Variants in TIAM2 observed in about 807,000 individuals in gnomAD.
TIAM2 encodes the protein rho guanine nucleotide exchange factor TIAM2.
Under a neutral mutation model 152.9 loss-of-function variants are expected in TIAM2, and 80 were observed. The ratio of observed to expected loss-of-function variants is 0.52; its 90% CI spans 0.44 to 0.63. TIAM2 has a LOEUF of 0.63. Among genes scored for constraint, TIAM2 ranks in the 30% least tolerant of loss-of-function variants. The pLI is 0.00. For synonymous variants in TIAM2, 804 were observed against 838.0 expected (o/e 0.96, Z 0.70); for missense variants, 1,965 against 2,120.1 (o/e 0.93, Z 1.44).
intron 2 of TIAM2, among the ~76,000 whole-genome samples, chr6:155,121,313 A>G (rs1352664547): frequency 6.6e-6 from 1 of 152,214 alleles, no homozygotes; most frequent in Non-Finnish European, 1.5e-5. Context: ...TTAGACTTAT[A>G]ACTACAAATT....
intron 1 of TIAM2, among the ~76,000 whole-genome samples, chr6:155,066,050 C>G (rs1336194709): frequency 6.6e-6 from 1 of 152,198 alleles, no homozygotes; most frequent in African/African-American, 2.4e-5. Context: ...TTTTGAAACT[C>G]TAACTCCACT....
At chr6:155,037,045 A>G (rs183077833) in intron 1 of TIAM2, among the ~76,000 whole-genome samples, 21 of 152,250 alleles carry the variant, frequency 1.4e-4, no homozygotes, top group Non-Finnish European at 2.6e-4. Context: ...TTGTTACTTC[A>G]TGGTTTCCTG....
At chr6:155,054,133 A>G (rs1017877407) in intron 1 of TIAM2, among the ~76,000 whole-genome samples, 3 of 152,216 alleles carry the variant, frequency 2.0e-5, no homozygotes, top group African/African-American at 7.2e-5. Flanking sequence ...AGATGGCACC[A>G]CTGCACTGCA....
chr6:155,098,856 G>T (rs1049219931), intron 2 of TIAM2, among the ~76,000 whole-genome samples: 2 of 152,068 alleles, frequency 1.3e-5, no homozygotes, highest in African/African-American at 2.4e-5. Context: ...GATATTATTG[G>T]GGCTTGCTTG....
intron 1 of TIAM2, among the ~76,000 whole-genome samples, chr6:155,045,201 G>A (rs1214638513): frequency 6.6e-6 from 1 of 151,662 alleles, no homozygotes; most frequent in Non-Finnish European, 1.5e-5. Flanking sequence ...GTAGTAGCTG[G>A]GATTGCAGGC....
In TIAM2 at chr6:155,214,176, C is replaced by T. The variant is rs1781797180; in HGVS notation, c.3168+2869C>T. On this transcript the variant is annotated intron_variant, in intron 15 of 26. Coordinates refer to ENST00000682666, the MANE Select transcript of TIAM2 (RefSeq NM_012454.4). The surrounding 1 kb of genome is among the most constrained non-coding windows in gnomAD (Gnocchi z 5.4). ...GCCACTTCAGGATTGGGTGGGGCTT[C>T]CACATTCTCAGCTCCTGCTGGCTCC... is the stretch of plus-strand genomic sequence containing the variant. 6.6e-6 allele frequency among the ~76,000 whole-genome samples: 1 copy of T among 152,258 alleles called. No individual in the cohort carries two copies. The highest frequency in any genetic ancestry group is 1.5e-5 in the Non-Finnish European group (1 of 68,044).
In TIAM2 at chr6:155,218,938, C is replaced by T. The variant is rs1373001397; in HGVS notation, c.3168+7631C>T. ...ATCTCAGCCGTGTTCTTGACCATCT[C>T]AGCCGCCCACCCGTGTTCTTGACCA... On this transcript the variant is annotated intron_variant, in intron 15 of 26. Transcript: ENST00000682666. This position sits in a 1 kb window ranked among gnomAD's most constrained non-coding sequence, Gnocchi z 4.5. Among the ~76,000 whole-genome samples the T allele has an allele frequency of 3.5e-5, 5 of 144,384 alleles. No individual in the cohort carries two copies. Among genetic ancestry groups the T allele is most frequent in the Non-Finnish European group, 7.6e-5 (5 of 66,178 alleles). The allele number at this position is 144,384 out of a possible 152,430, so 94.7% of individuals were successfully genotyped here. A position where few individuals can be genotyped will look rare whatever the true frequency, so the allele number is the denominator to read the frequency against.
At position 155,203,585 on chromosome 6, in the gene TIAM2, C is replaced by T. The variant is rs375840604; in HGVS notation, c.3065-7619C>T. Among the ~76,000 whole-genome samples, 6 of 152,204 alleles carry T rather than the reference C, an allele frequency of 3.9e-5. No individual in the cohort carries two copies. The East Asian group carries it at 1.2e-3, about 29-fold the overall frequency. On this transcript the variant is annotated intron_variant, in intron 14 of 26. Transcript: ENST00000682666. The stretch of plus-strand genomic sequence containing the variant: ...TTATGTAGTTGAAAACTTAATTAAA[C>T]CATTTATTATTCACTTGTAACTACT...
chr6:155,198,638 G>A (rs1394797736), intron 14 of TIAM2, among the ~76,000 whole-genome samples: 4 of 73,312 alleles, frequency 5.5e-5, no homozygotes, highest in African/African-American at 2.1e-4. Flanking sequence ...CTCCAGCCTA[G>A]ACAACAAGAG....
At chr6:155,251,855 A>T in intron 22 of TIAM2, 90 bp from the exon 23 acceptor site, 1 of 984,018 alleles carries the variant, frequency 1.0e-6, no homozygotes, top group Non-Finnish European at 1.5e-6. Context: ...ACGTTTGGAG[A>T]GTGTTACTCT....
At chr6:155,235,690 T>G (rs550941274) in intron 15 of TIAM2, among the ~76,000 whole-genome samples, 2 of 152,346 alleles carry the variant, frequency 1.3e-5, no homozygotes, top group African/African-American at 2.4e-5. Context: ...ATGTTAAGTG[T>G]ACAAAAGGTG....
At chr6:155,022,974 T>G (rs1057345872) in intron 1 of TIAM2, among the ~76,000 whole-genome samples, 30 of 152,064 alleles carry the variant, frequency 2.0e-4, no homozygotes, top group African/African-American at 6.3e-4. Context: ...CTTTCCGGCT[T>G]CTGTTTTTGT....
chr6:155,175,799 ATTG>A (rs1355104419), intron 9 of TIAM2, among the ~76,000 whole-genome samples: 1 of 152,212 alleles, frequency 6.6e-6, no homozygotes, highest in Non-Finnish European at 1.5e-5. Context: ...GAAGTCAGCA[ATTG>A]TTGTGATGAT....
chr6:155,007,478 G>C (rs1021754956), intron 1 of TIAM2, among the ~76,000 whole-genome samples: 1 of 151,190 alleles, frequency 6.6e-6, no homozygotes, highest in Non-Finnish European at 1.5e-5. Context: ...TCCGCCTCCC[G>C]GGTTCACGCC....
chr6:155,234,969 G>C (rs992984458), intron 15 of TIAM2, among the ~76,000 whole-genome samples: 9 of 152,072 alleles, frequency 5.9e-5, no homozygotes, highest in African/African-American at 1.7e-4. Context: ...GACAGCTAGA[G>C]AGGGGAACAG....
intron 1 of TIAM2, among the ~76,000 whole-genome samples, chr6:155,034,070 T>C (rs1281959306): frequency 6.6e-6 from 1 of 151,772 alleles, no homozygotes; most frequent in East Asian, 1.9e-4. Flanking sequence ...CTGCCTCCCT[T>C]TGGAGTCTCC....
At chr6:155,040,051 G>T (rs898287554) in intron 1 of TIAM2, among the ~76,000 whole-genome samples, 5 of 152,104 alleles carry the variant, frequency 3.3e-5, no homozygotes, top group African/African-American at 1.2e-4. Context: ...AATTAACTTT[G>T]AATTTCTTGC....
At chr6:155,097,821 C>T (rs1234718671) in intron 2 of TIAM2, among the ~76,000 whole-genome samples, 2 of 152,088 alleles carry the variant, frequency 1.3e-5, no homozygotes, top group Non-Finnish European at 1.5e-5. Flanking sequence ...TCCATTTTGA[C>T]TTGATTTATT....
chr6:155,136,211 A>G (rs570644808), intron 4 of TIAM2, among the ~76,000 whole-genome samples: 31 of 151,258 alleles, frequency 2.0e-4, no homozygotes, highest in African/African-American at 7.5e-4. Context: ...AAAAAAAAAG[A>G]AAAACAAAAA....
Sources: gnomAD v4.1 joint callset for allele counts (sites outside exome capture counted in the v4.1 genomes callset) on GRCh38, gnomAD v4.1.1 for gene constraint, Gnocchi (gnomAD v3.1) non-coding constraint, MANE v1.5 for transcripts, NCBI Gene and HGNC (gene_info 2026-07-23, HGNC 2026-07-21) for gene names.